AIG1: variants seen among roughly 807,000 people sequenced by gnomAD.
The protein encoded by AIG1 is androgen induced 1, also known as androgen-induced gene 1 protein.
AIG1 carries 23 observed loss-of-function variants against 31.4 expected under a neutral mutation model. The ratio of observed to expected loss-of-function variants is 0.73; its 90% CI spans 0.53 to 1.04. AIG1 has a LOEUF of 1.04. AIG1 is among the 50% of genes least tolerant of loss of function. AIG1 has a pLI of 0.00. For missense variants in AIG1, 274 were observed against 295.0 expected (o/e 0.93, Z 0.52); for synonymous variants, 100 against 110.5 (o/e 0.90, Z 0.60).
rs1315418931 is a variant in AIG1 at position 143,329,919 on chromosome 6, T to C, written c.516-3363T>C. Among the ~76,000 whole-genome samples the C allele has an allele frequency of 6.6e-6, 1 of 152,146 alleles. No homozygotes were observed. Among genetic ancestry groups the C allele is most frequent in the East Asian group, 1.9e-4 (1 of 5,188 alleles). ...GTGTGATCGAGACCATATGGGAATA[T>C]TTACTATCTGGTTCTTTACAGAAAA... is the stretch of plus-strand genomic sequence containing the variant. On this transcript the variant is annotated intron_variant, in intron 4 of 5. Transcript: ENST00000357847. The surrounding 1 kb of genome is among the most constrained non-coding windows in gnomAD (Gnocchi z 4.9).
intron 3 of AIG1, chr6:143,188,319 C>G: frequency 1.0e-6 from 1 of 985,750 alleles, no homozygotes; most frequent in Non-Finnish European, 1.2e-6. Flanking sequence ...TGTTGCTATA[C>G]AGTTTTCCAT....
intron 3 of AIG1, among the ~76,000 whole-genome samples, chr6:143,227,651 A>G (rs1484341001): frequency 6.6e-6 from 1 of 152,162 alleles, no homozygotes; most frequent in Admixed American, 6.5e-5. Context: ...TTCAACATGG[A>G]AAGCCCTGAC....
chr6:143,282,926 T>C (rs949418919), intron 3 of AIG1, among the ~76,000 whole-genome samples: 1 of 152,226 alleles, frequency 6.6e-6, no homozygotes, highest in African/African-American at 2.4e-5. Context: ...TGCCTTTTCC[T>C]TGAATACACA....
intron 3 of AIG1, among the ~76,000 whole-genome samples, chr6:143,210,198 T>C (rs1791476708): frequency 6.6e-6 from 1 of 152,230 alleles, no homozygotes; most frequent in Non-Finnish European, 1.5e-5. Context: ...AAGAAGGACA[T>C]GTTTGCTTCC....
At chr6:143,247,567 C>A (rs904018713) in intron 3 of AIG1, among the ~76,000 whole-genome samples, 3 of 152,218 alleles carry the variant, frequency 2.0e-5, no homozygotes, top group Non-Finnish European at 4.4e-5. Flanking sequence ...CTTCTACCAG[C>A]CAGGACTTTC....
intron 1 of AIG1, among the ~76,000 whole-genome samples, chr6:143,104,859 A>G (rs770452867): frequency 2.0e-4 from 31 of 151,984 alleles, no homozygotes; most frequent in Non-Finnish European, 7.4e-5. Flanking sequence ...TGATGCTGCC[A>G]CTGCACTCCA....
chr6:143,283,602 T>C (rs1208139944), intron 3 of AIG1, among the ~76,000 whole-genome samples: 1 of 152,250 alleles, frequency 6.6e-6, no homozygotes. Flanking sequence ...TCTTAGTATA[T>C]CCATATAATG....
At chr6:143,249,326 C>T (rs985190906) in intron 3 of AIG1, among the ~76,000 whole-genome samples, 5 of 152,100 alleles carry the variant, frequency 3.3e-5, no homozygotes, top group African/African-American at 7.2e-5. Context: ...TCGACGACGA[C>T]GATATTGGAT....
At chr6:143,189,601 A>G (rs1789601303) in intron 3 of AIG1, 1 of 985,270 alleles carries the variant, frequency 1.0e-6, no homozygotes, top group African/African-American at 1.7e-5. Context: ...ACTCAGAAAT[A>G]TTTCATTGTT....
Position 143,284,216 on chromosome 6 carries a change from A to G in AIG1, c.506A>G (p.Tyr169Cys), listed in dbSNP as rs199674284. The G allele has an allele frequency of 9.1e-5, 147 of 1,610,404 alleles. No individual in the cohort carries two copies. Among genetic ancestry groups the G allele is most frequent in the Non-Finnish European group, 1.2e-4 (145 of 1,177,144 alleles). ...LTAICTFSVGYILWVCWVHHV... is the reference protein window; with the variant it reads ...LTAICTFSVGCILWVCWVHHV... Reference sequence around the variant, plus strand: ...GCCATATGTACCTTCTCTGTTGGCTATATATTATGGTAAGGACCATGCCTG... The same window carrying G: ...GCCATATGTACCTTCTCTGTTGGCTGTATATTATGGTAAGGACCATGCCTG... The change falls in exon 4 of 6, where the codon TAT becomes TGT. Residue 169 changes from tyrosine (Y) to cysteine (C), a missense_variant. Around this residue, in one of 2 missense-constraint regions of AIG1, gnomAD observed 243 missense variants for 238.5 expected, o/e 1.02. Transcript: ENST00000357847. This position sits in a 1 kb window ranked among gnomAD's most constrained non-coding sequence, Gnocchi z 4.4.
chr6:143,219,688 A>G (rs1792319706), intron 3 of AIG1, among the ~76,000 whole-genome samples: 1 of 152,206 alleles, frequency 6.6e-6, no homozygotes, highest in African/African-American at 2.4e-5. Flanking sequence ...AAAGCCTCAG[A>G]TTATTCATTA....
intron 3 of AIG1, among the ~76,000 whole-genome samples, chr6:143,246,072 G>T (rs1410007588): frequency 6.6e-6 from 1 of 152,098 alleles, no homozygotes; most frequent in African/African-American, 2.4e-5. Context: ...AATTCGCTTT[G>T]GGTCACATTC....
In AIG1 at chr6:143,312,754, A is replaced by C. The variant is rs186590556; in HGVS notation, c.516-20528A>C. On this transcript the variant is annotated intron_variant, in intron 4 of 5. Transcript: ENST00000357847. ...CTTCTGCACAACAAAGGAAACCATC[A>C]ATAAAGTGAAGAGATAACCCACAGA... Among the ~76,000 whole-genome samples, 65 of 152,234 alleles carry C rather than the reference A, an allele frequency of 4.3e-4. 2 individuals carry two copies. In the East Asian group the frequency reaches 0.012, roughly 28 times the overall value.
At chr6:143,137,088 G>T in intron 2 of AIG1, 98 bp downstream of exon 2, 1 of 1,251,510 alleles carries the variant, frequency 8.0e-7, no homozygotes. Context: ...AGAGGTTTCT[G>T]TATTATTAGT....
In AIG1 at chr6:143,279,765, T is replaced by A. The variant is rs1044422021; in HGVS notation, c.400-4345T>A. Among the ~76,000 whole-genome samples the A allele has an allele frequency of 2.6e-5, 4 of 152,166 alleles. No homozygotes were observed. The highest frequency in any genetic ancestry group is 9.7e-5 in the African/African-American group (4 of 41,436). On this transcript the variant is annotated intron_variant, in intron 3 of 5. Transcript: ENST00000357847. The surrounding 1 kb of genome is among the most constrained non-coding windows in gnomAD (Gnocchi z 5.4). ...ATCAGGATAGATTTAGGCTTCGTTT[T>A]TTGGACACAATCTTCCAAATGATAG...
intron 1 of AIG1, among the ~76,000 whole-genome samples, chr6:143,075,252 A>G (rs6907970): frequency 0.11 from 16,467 of 151,606 alleles, 2,830 homozygotes; most frequent in African/African-American, 0.37. Context: ...TCAGCTTTTG[A>G]TTTTTTTCGT....
chr6:143,242,918 C>T (rs1468145164), intron 3 of AIG1, among the ~76,000 whole-genome samples: 3 of 152,122 alleles, frequency 2.0e-5, no homozygotes, highest in Non-Finnish European at 4.4e-5. Flanking sequence ...TCTCTCTTAT[C>T]CCAGGTTGCG....
In AIG1 at chr6:143,330,225, A is replaced by C. The variant is rs1275961490; in HGVS notation, c.516-3057A>C. 6.6e-6 allele frequency among the ~76,000 whole-genome samples: 1 copy of C among 152,208 alleles called. No individual in the cohort carries two copies. Among genetic ancestry groups the C allele is most frequent in the Non-Finnish European group, 1.5e-5 (1 of 68,038 alleles). The stretch of plus-strand genomic sequence containing the variant: ...TCCTTTGCTCATTGAATAGACAATA[A>C]ACAGACAAATAAAAATAAGTAGAGT... On this transcript the variant is annotated intron_variant, in intron 4 of 5. Transcript: ENST00000357847. The surrounding 1 kb of genome is among the most constrained non-coding windows in gnomAD (Gnocchi z 4.4).
rs540704549 is a variant in AIG1 at position 143,278,725 on chromosome 6, T to C, written c.400-5385T>C. ...CTCAGGTGATCCGCCCGCCTCAGCC[T>C]CCCAAAGTGCTGGGATTACAGGCAT... On this transcript the variant is annotated intron_variant, in intron 3 of 5. Transcript: ENST00000357847. 7.9e-5 allele frequency among the ~76,000 whole-genome samples: 12 copies of C among 152,222 alleles called. No individual in the cohort carries two copies. The South Asian group carries it at 1.9e-3, about 24-fold the overall frequency.
Sources: allele counts gnomAD v4.1 joint callset (sites outside exome capture counted in the v4.1 genomes callset), GRCh38; gene constraint gnomAD v4.1.1; regional missense constraint gnomAD v4.1.1; non-coding constraint Gnocchi (gnomAD v3.1); transcripts MANE v1.5; gene names NCBI Gene and HGNC (gene_info 2026-07-23, HGNC 2026-07-21).